Variants in AZIN1 observed in about 807,000 individuals in gnomAD.
AZIN1 encodes antizyme inhibitor 1.
Under a neutral mutation model 47.4 loss-of-function variants are expected in AZIN1, and 12 were observed. That is an observed-to-expected ratio of 0.25 (90% CI 0.16 to 0.41). The LOEUF is 0.41. Ranked by LOEUF, AZIN1 falls within the 10% of genes least tolerant of loss-of-function variation. The pLI is 1.00. For missense variants in AZIN1, 410 were observed against 532.4 expected, an observed-to-expected ratio of 0.77 and a Z score of 2.26; for synonymous variants, 155 against 176.3, an observed-to-expected ratio of 0.88 and a Z score of 0.96.
intron 9 of AZIN1, among the ~76,000 whole-genome samples, chr8:102,832,439 C>T (rs541995365): frequency 3.9e-4 from 60 of 152,182 alleles, no homozygotes; most frequent in African/African-American, 1.4e-3. Context: ...TCTTTGTGGC[C>T]CTTATGTGAG....
rs116414412 is a variant in AZIN1 at position 102,837,518 on chromosome 8, T to C, written c.450-1128A>G. ...CTAATTTGATAATCAGAGGACAAGA[T>C]TGATGAAAGCAAAAATTATTCTAAG... is the stretch of plus-strand genomic sequence containing the variant. On this transcript the variant is annotated intron_variant, in intron 5 of 11. Coordinates refer to ENST00000337198, the MANE Select transcript of AZIN1 (RefSeq NM_148174.4). Among the ~76,000 whole-genome samples the C allele has an allele frequency of 4.6e-3, 702 of 152,256 alleles. 10 individuals carry two copies. Among genetic ancestry groups the C allele is most frequent in the African/African-American group, 0.015 (624 of 41,544 alleles).
rs947490998 is a variant in AZIN1, at chr8:102,827,889, A to C, written c.*678T>G. 1 of 152,498 alleles carries C rather than the reference A, an allele frequency of 6.6e-6. No homozygotes were observed. The highest frequency in any genetic ancestry group is 1.5e-5 in the Non-Finnish European group (1 of 68,012). 9.4% of individuals were successfully genotyped at this position (152,498 alleles called of 1,614,324 possible). On this transcript the variant is annotated 3_prime_UTR_variant, in exon 12 of 12. Coordinates refer to ENST00000337198, the MANE Select transcript of AZIN1 (RefSeq NM_148174.4). ...ATGAAAAATGCACCGAGCCAAACAA[A>C]ACTTAACTGGGCTATAAAGAAAAAA...
intron 4 of AZIN1, 30 bp downstream of exon 4, chr8:102,839,620 C>T (rs1315683135): frequency 3.6e-5 from 53 of 1,468,910 alleles, no homozygotes; most frequent in Non-Finnish European, 4.7e-5. Context: ...TTCAATGTTT[C>T]AGTTTAGTTA....
chr8:102,836,131 T>G (rs1811808507), intron 6 of AZIN1, 125 bp downstream of exon 6: 1 of 1,042,242 alleles, frequency 9.6e-7, no homozygotes, highest in African/African-American at 1.6e-5. Context: ...CATACATGTG[T>G]GTTAAAAGAC....
At chr8:102,851,726 T>C (rs1812931273) in intron 2 of AZIN1, among the ~76,000 whole-genome samples, 2 of 152,102 alleles carry the variant, frequency 1.3e-5, no homozygotes, top group African/African-American at 4.8e-5. Flanking sequence ...AGAAATAAGA[T>C]GTAATATCTC....
chr8:102,857,523 G>A (rs1024575633), intron 2 of AZIN1, among the ~76,000 whole-genome samples: 1 of 151,790 alleles, frequency 6.6e-6, no homozygotes, highest in Non-Finnish European at 1.5e-5. Context: ...AACTATCCTT[G>A]AAAATCTGTT....
chr8:102,841,113 T>A (rs1237371240), intron 3 of AZIN1, among the ~76,000 whole-genome samples: 2 of 152,198 alleles, frequency 1.3e-5, no homozygotes, highest in East Asian at 3.9e-4. Flanking sequence ...TAATGAATAT[T>A]CAACAAAATT....
At chr8:102,829,739 C>T in intron 10 of AZIN1, 82 bp downstream of exon 10, 5 of 1,110,528 alleles carry the variant, frequency 4.5e-6, no homozygotes, top group Non-Finnish European at 6.7e-6. Context: ...AGATGTTTTT[C>T]AAAAAACTGG....
At chr8:102,852,635 A>G (rs1315234465) in intron 2 of AZIN1, among the ~76,000 whole-genome samples, 1 of 152,174 alleles carries the variant, frequency 6.6e-6, no homozygotes, top group East Asian at 1.9e-4. Flanking sequence ...TGGCATGCAC[A>G]ACGTGGCTGG....
intron 8 of AZIN1, 69 bp downstream of exon 8, chr8:102,834,120 C>CT: frequency 7.8e-7 from 1 of 1,286,538 alleles, no homozygotes; most frequent in Non-Finnish European, 1.1e-6. Flanking sequence ...AAATCCTGCT[C>CT]TACACATCCA....
chr8:102,863,069 T>C (rs1187369385), intron 1 of AZIN1, among the ~76,000 whole-genome samples: 1 of 152,192 alleles, frequency 6.6e-6, no homozygotes, highest in Non-Finnish European at 1.5e-5. Flanking sequence ...GAAGGCGACT[T>C]GACCCAATCA....
Position 102,828,352 on chromosome 8 carries a change from G to C in AZIN1, c.*215C>G. 2.5e-6 allele frequency: 1 copy of C among 398,656 alleles called. No individual in the cohort carries two copies. The highest frequency in any genetic ancestry group is 4.5e-6 in the Non-Finnish European group (1 of 221,510). 24.7% of individuals were successfully genotyped at this position (398,656 alleles called of 1,614,324 possible). A position where few individuals can be genotyped will look rare whatever the true frequency, so the allele number is the denominator to read the frequency against. On this transcript the variant is annotated 3_prime_UTR_variant, in exon 12 of 12. Transcript: ENST00000337198. ...GCTTAAGGGGTAGGACAAACTGGTAGGTTTAAATCTGGATACATTATCTAA... is the reference window on the plus strand; with the variant it reads ...GCTTAAGGGGTAGGACAAACTGGTACGTTTAAATCTGGATACATTATCTAA...
chr8:102,834,603 AGTCTTT>A (rs1811698818), intron 7 of AZIN1, 57 bp downstream of exon 7: 1 of 1,202,338 alleles, frequency 8.3e-7, no homozygotes, highest in Non-Finnish European at 1.2e-6. Flanking sequence ...GAAAATACTT[AGTCTTT>A]AACTTAACAT....
intron 1 of AZIN1, among the ~76,000 whole-genome samples, chr8:102,861,557 A>G (rs1466405576): frequency 6.6e-6 from 1 of 152,078 alleles, no homozygotes; most frequent in Non-Finnish European, 1.5e-5. Flanking sequence ...CAACCAAGGG[A>G]CAGTCACCTA....
In AZIN1 at chr8:102,847,947, G is replaced by A. The variant is rs190342932; in HGVS notation, c.-95-4200C>T. On this transcript the variant is annotated intron_variant, in intron 2 of 11. Transcript: ENST00000337198. ...ACTTTGATATGCAAGCAATCCAGAT[G>A]TATAGTCATGCGTTGCATAACAACA... Among the ~76,000 whole-genome samples, 199 of 152,260 alleles carry A rather than the reference G, an allele frequency of 1.3e-3. 1 individual carries two copies. The highest frequency in any genetic ancestry group is 4.6e-3 in the African/African-American group (193 of 41,542).
chr8:102,829,102 G>T (rs79882292), intron 11 of AZIN1, among the ~76,000 whole-genome samples, 170 bp downstream of exon 11: 1 of 152,124 alleles, frequency 6.6e-6, no homozygotes, highest in Non-Finnish European at 1.5e-5. Context: ...TCATACAATC[G>T]CCTAATGTTG....
intron 1 of AZIN1, 124 bp from the exon 2 acceptor site, chr8:102,858,274 C>T: frequency 2.5e-6 from 1 of 392,626 alleles, no homozygotes; most frequent in East Asian, 3.6e-5. Context: ...AGTCACATTA[C>T]ACAAGTGATA....
chr8:102,833,130 A>G lies in AZIN1; in HGVS notation c.830T>C (p.Val277Ala). ...KIISEPGSYY[V>A]SSAFTLAVNI... ...AACTGCGAGTGTAAATGCAGAAGAC[A>G]CATAGTAGCTTCCGGGTTCTGAAAT... Residue 277 changes from valine to alanine, a missense_variant, in exon 9 of 12, where the codon GTG becomes GCG. By Grantham distance (64) the Val-to-Ala change is moderately conservative (BLOSUM62 0). This residue lies in a region of AZIN1 where 5 missense variants were observed against 24.6 expected (regional missense o/e 0.20). Transcript: ENST00000337198. The G allele has an allele frequency of 1.2e-6, 2 of 1,613,234 alleles. No individual in the cohort carries two copies. The highest frequency in any genetic ancestry group is 1.7e-6 in the Non-Finnish European group (2 of 1,179,214).
chr8:102,844,345 A>T (rs1393744526), intron 2 of AZIN1, among the ~76,000 whole-genome samples: 3 of 42,108 alleles, frequency 7.1e-5, no homozygotes, highest in African/African-American at 2.6e-4. Context: ...CGTCTCTCCT[A>T]AAAAAAAAAA....
Sources: gnomAD v4.1 joint callset for allele counts (sites outside exome capture counted in the v4.1 genomes callset) on GRCh38, gnomAD v4.1.1 for gene constraint, gnomAD v4.1.1 regional missense constraint, MANE v1.5 for transcripts, NCBI Gene and HGNC (gene_info 2026-07-23, HGNC 2026-07-21) for gene names.